The following GRIK2 variants were observed in gnomAD, a reference collection of about 807,000 sequenced individuals.
The protein encoded by GRIK2 is glutamate ionotropic receptor kainate type subunit 2.
Under a neutral mutation model 100.3 loss-of-function variants are expected in GRIK2, and 32 were observed. That is an observed-to-expected ratio of 0.32 (90% confidence interval 0.24 to 0.43). The LOEUF (loss-of-function observed/expected upper bound fraction) is 0.43, where lower values mean the gene tolerates loss of function less well. Ranked by LOEUF, GRIK2 falls within the 20% of genes least tolerant of loss-of-function variation. The probability of loss-of-function intolerance (pLI) is 1.00; values close to 1 mark genes in which losing one functional copy is unlikely to be tolerated. For missense variants in GRIK2, 843 were observed against 1,114.9 expected, an observed-to-expected ratio of 0.76 and a Z score of 3.47; for synonymous variants, 417 against 389.4, an observed-to-expected ratio of 1.07 and a Z score of -0.83.
chr6:101,870,246 C>T (rs1477824019), intron 11 of GRIK2, among the ~76,000 whole-genome samples: 2 of 151,738 alleles, frequency 1.3e-5, no homozygotes, highest in African/African-American at 4.8e-5. Context: ...AAGGTCCTTT[C>T]CTAGTTAGAA....
chr6:101,823,617 A>G (rs1288941642), intron 10 of GRIK2, among the ~76,000 whole-genome samples: 1 of 152,036 alleles, frequency 6.6e-6, no homozygotes, highest in Non-Finnish European at 1.5e-5. Context: ...TATTTATTGC[A>G]TAGAGGTTGT....
At chr6:101,607,035 A>C (rs609531) in intron 2 of GRIK2, among the ~76,000 whole-genome samples, 56,271 of 151,736 alleles carry the variant, frequency 0.37, 11,215 homozygotes, top group African/African-American at 0.52. Context: ...AACCTAAATA[A>C]ATATGCATGA....
intron 2 of GRIK2, among the ~76,000 whole-genome samples, chr6:101,595,688 GTA>G (rs141047474): frequency 2.3e-3 from 300 of 130,808 alleles, no homozygotes; most frequent in African/African-American, 4.5e-3. Flanking sequence ...ATTTGTGCAT[GTA>G]TATATATATG....
Position 101,873,770 on chromosome 6 carries a change from T to G in GRIK2, c.1524+14277T>G, listed in dbSNP as rs891873862. The stretch of plus-strand genomic sequence containing the variant: ...TCTCCAGCACCTGTTGTTTCCTGAC[T>G]TTTTAATGATCACCATTCTAACTGG... On this transcript the variant is annotated intron_variant, in intron 11 of 16. Transcript: ENST00000369134. Among the ~76,000 whole-genome samples, 17 of 152,086 alleles carry G rather than the reference T, an allele frequency of 1.1e-4. No individual in the cohort carries two copies. The South Asian group carries it at 1.2e-3, about 11-fold the overall frequency.
intron 12 of GRIK2, among the ~76,000 whole-genome samples, chr6:101,906,187 C>T (rs1029745974): frequency 1.3e-4 from 19 of 151,406 alleles, no homozygotes; most frequent in South Asian, 2.1e-4. Context: ...TAGTGAATTC[C>T]GCTCCTATGT....
intron 10 of GRIK2, among the ~76,000 whole-genome samples, chr6:101,820,956 C>T (rs1428683561): frequency 6.6e-6 from 1 of 152,134 alleles, no homozygotes; most frequent in East Asian, 1.9e-4. Context: ...TGTGTTTCCA[C>T]TTGACATAAG....
chr6:101,648,830 G>C (rs1781651635), intron 4 of GRIK2, among the ~76,000 whole-genome samples: 1 of 152,070 alleles, frequency 6.6e-6, no homozygotes, highest in Non-Finnish European at 1.5e-5. Context: ...AAGGAAAGAG[G>C]TTTAATGGAC....
intron 7 of GRIK2, among the ~76,000 whole-genome samples, chr6:101,780,400 G>A (rs966159710): frequency 2.6e-5 from 4 of 152,204 alleles, no homozygotes; most frequent in African/African-American, 7.2e-5. Context: ...AATCTTTCAT[G>A]AGACCTCGAA....
At chr6:101,753,706 G>A (rs1181695824) in intron 7 of GRIK2, among the ~76,000 whole-genome samples, 1 of 151,822 alleles carries the variant, frequency 6.6e-6, no homozygotes, top group East Asian at 1.9e-4. Context: ...TGAAAATGTG[G>A]GTCTTCTATT....
At chr6:101,711,218 A>C (rs1010766597) in intron 7 of GRIK2, among the ~76,000 whole-genome samples, 2 of 151,904 alleles carry the variant, frequency 1.3e-5, no homozygotes, top group Non-Finnish European at 2.9e-5. Flanking sequence ...TTTATGACTA[A>C]AATTAGAAAT....
chr6:101,792,720 T>C (rs966697924), intron 7 of GRIK2, among the ~76,000 whole-genome samples: 5 of 152,058 alleles, frequency 3.3e-5, no homozygotes, highest in South Asian at 2.1e-4. Context: ...ATCTTTGTGG[T>C]GTTCTCTGTA....
chr6:102,029,130 C>A (rs7764905), intron 14 of GRIK2, among the ~76,000 whole-genome samples: 41,210 of 150,868 alleles, frequency 0.27, 5,997 homozygotes, highest in East Asian at 0.34. Flanking sequence ...TCCTGGTGTT[C>A]TGTCTCAGTC....
intron 7 of GRIK2, among the ~76,000 whole-genome samples, chr6:101,795,229 A>G (rs1041412955): frequency 2.0e-5 from 3 of 152,020 alleles, no homozygotes; most frequent in Non-Finnish European, 4.4e-5. Context: ...GGATTTATCT[A>G]TGGTATTGGT....
chr6:101,888,005 A>C (rs1562465613), intron 11 of GRIK2, among the ~76,000 whole-genome samples: 1 of 152,220 alleles, frequency 6.6e-6, no homozygotes, highest in Admixed American at 6.5e-5. Flanking sequence ...CTTACGTCTT[A>C]GAGGAAGTGC....
chr6:101,432,203 G>A lies in GRIK2; in HGVS notation c.115+32811G>A, dbSNP rs539806103. Reference sequence around the variant, plus strand: ...TGCCTATAATTTAATCAAGTCCCTCGTCCATATTTTATATTTTATATATTT... The same window carrying A: ...TGCCTATAATTTAATCAAGTCCCTCATCCATATTTTATATTTTATATATTT... On this transcript the variant is annotated intron_variant, in intron 2 of 16. Transcript: ENST00000369134. Among the ~76,000 whole-genome samples, 64 of 151,988 alleles carry A rather than the reference G, an allele frequency of 4.2e-4. 1 individual carries two copies. The highest frequency in any genetic ancestry group is 1.4e-3 in the African/African-American group (58 of 41,450).
intron 7 of GRIK2, among the ~76,000 whole-genome samples, chr6:101,692,079 A>T (rs2128347539): frequency 1.3e-5 from 2 of 150,834 alleles, no homozygotes; most frequent in Non-Finnish European, 3.0e-5. Flanking sequence ...CAATGGAAAT[A>T]GAACCATAGA....
intron 10 of GRIK2, among the ~76,000 whole-genome samples, chr6:101,852,368 C>T (rs753871058): frequency 1.3e-5 from 2 of 152,012 alleles, no homozygotes; most frequent in African/African-American, 4.8e-5. Context: ...GTCCTTAACC[C>T]TCTACACATG....
chr6:101,765,740 A>G (rs771963427), intron 7 of GRIK2, among the ~76,000 whole-genome samples: 14 of 152,154 alleles, frequency 9.2e-5, no homozygotes, highest in Admixed American at 1.3e-4. Context: ...TTAATTTTAT[A>G]ACTGGTATTC....
At chr6:101,805,800 A>G (rs1780967769) in intron 9 of GRIK2, among the ~76,000 whole-genome samples, 1 of 152,022 alleles carries the variant, frequency 6.6e-6, no homozygotes. Flanking sequence ...GGAAACATGA[A>G]CTTCAGGATG....
Sources: gnomAD v4.1 joint callset for allele counts (sites outside exome capture counted in the v4.1 genomes callset) on GRCh38, gnomAD v4.1.1 for gene constraint, MANE v1.5 for transcripts, NCBI Gene and HGNC (gene_info 2026-07-23, HGNC 2026-07-21) for gene names.